RPS29: variants seen among roughly 807,000 people sequenced by gnomAD.
RPS29 encodes small ribosomal subunit protein uS14.
For synonymous variants in RPS29, 37 were observed against 26.9 expected (o/e 1.37, Z -1.16); for missense variants, 60 against 75.7 (o/e 0.79, Z 0.77).
Position 49,583,675 on chromosome 14 carries a change from A to G in RPS29, c.163T>C (p.Leu55=). 1 of 1,523,164 alleles carries G rather than the reference A, an allele frequency of 6.6e-7. No individual in the cohort carries two copies. The highest frequency in any genetic ancestry group is 9.0e-7 in the Non-Finnish European group (1 of 1,106,014). The allele number at this position is 1,523,164 out of a possible 1,614,324, so 94.4% of individuals were successfully genotyped here. A position where few individuals can be genotyped will look rare whatever the true frequency, so the allele number is the denominator to read the frequency against. The change falls in exon 3 of 3, where the codon TTG becomes CTG. Residue 55 remains leucine, a splice_region_variant and synonymous_variant. Coordinates refer to ENST00000245458, the MANE Select transcript of RPS29 (RefSeq NM_001032.5). ...CTCTGAAGGAAGAGCATTTAGTCCA[A>G]CTGAAAAAAAAAAAGCAGATGATTT... ...QYAKDIGFIK[L]D is the part of the protein sequence containing the mutation.
chr14:49,580,901 A>C (rs373037931), downstream of RPS29, among the ~76,000 whole-genome samples: 1 of 148,488 alleles, frequency 6.7e-6, no homozygotes, highest in East Asian at 2.0e-4. Flanking sequence ...AAAAAAAAAA[A>C]AATGCTGGGT....
At chr14:49,596,818 C>T (rs1214900070) in intron 1 of RPS29, among the ~76,000 whole-genome samples, 5 of 150,608 alleles carry the variant, frequency 3.3e-5, no homozygotes, top group African/African-American at 9.8e-5. Context: ...CGCTCTGTCG[C>T]CCAGGCTGGA....
At chr14:49,584,494 G>C (rs1881447713) in intron 2 of RPS29, among the ~76,000 whole-genome samples, 1 of 152,210 alleles carries the variant, frequency 6.6e-6, no homozygotes, top group Non-Finnish European at 1.5e-5. Context: ...ACAGGGCGCC[G>C]TGGATCACGC....
At chr14:49,581,706 C>G (rs1328219420), downstream of RPS29, among the ~76,000 whole-genome samples, 1 of 152,094 alleles carries the variant, frequency 6.6e-6, no homozygotes, top group African/African-American at 2.4e-5. Flanking sequence ...ACTCCTATCT[C>G]CTGTATCGGT....
Position 49,571,647 on chromosome 14 carries a change from A to C in RPS29, c.*6165T>G, listed in dbSNP as rs181257846. On this transcript the variant is annotated 3_prime_UTR_variant, in exon 3 of 3. Coordinates refer to the RPS29 transcript ENST00000396020. ...TGGCCAGTGATTCAATCAATTATAC[A>C]TATATAATGAAACCCCAATAAAAAC... is the stretch of plus-strand genomic sequence containing the variant. 9.2e-5 allele frequency: 14 copies of C among 152,324 alleles called. No individual in the cohort carries two copies. In the East Asian group the frequency reaches 2.3e-3, roughly 25 times the overall value. 9.4% of individuals were successfully genotyped at this position (152,324 alleles called of 1,614,324 possible). A position where few individuals can be genotyped will look rare whatever the true frequency, so the allele number is the denominator to read the frequency against.
At chr14:49,589,744 G>A (rs535648484), upstream of RPS29, among the ~76,000 whole-genome samples, 3 of 152,168 alleles carry the variant, frequency 2.0e-5, no homozygotes, top group East Asian at 1.9e-4. Flanking sequence ...TATGTTCATC[G>A]CAGCACTATT....
chr14:49,579,917 CTA>C (rs1195097311), downstream of RPS29, among the ~76,000 whole-genome samples: 4 of 152,162 alleles, frequency 2.6e-5, no homozygotes, highest in Admixed American at 2.0e-4. Flanking sequence ...TACTTAATCT[CTA>C]AGCCTCAGTT....
At chr14:49,576,247 CTAAT>C (rs1881176734) in exon 3 of RPS29, 1 of 151,012 alleles carries the variant, frequency 6.6e-6, no homozygotes, top group Non-Finnish European at 1.5e-5. Flanking sequence ...CCACGCCTGG[CTAAT>C]TGTTTTTGGG....
chr14:49,585,725 G>A (rs1881520684), intron 2 of RPS29: 1 of 518,420 alleles, frequency 1.9e-6, no homozygotes, highest in Non-Finnish European at 3.4e-6. Context: ...AGGTAAAAAA[G>A]GGAGTAGGAA....
intron 1 of RPS29, among the ~76,000 whole-genome samples, chr14:49,594,294 G>A (rs906960091): frequency 8.6e-5 from 13 of 151,850 alleles, no homozygotes; most frequent in Admixed American, 6.6e-5. Context: ...ATTTTTCAAA[G>A]GTTTTCCAGA....
upstream of RPS29, among the ~76,000 whole-genome samples, chr14:49,587,413 T>A (rs1881613269): frequency 6.6e-6 from 1 of 152,202 alleles, no homozygotes; most frequent in Non-Finnish European, 1.5e-5. Context: ...TGCTCTGAAA[T>A]CAAAGCTTTA....
At position 49,598,576 on chromosome 14, in the gene RPS29, T is replaced by G. The variant is rs990298305; in HGVS notation, c.-309A>C. The G allele has an allele frequency of 7.3e-5, 51 of 702,008 alleles. No homozygotes were observed. In the Admixed American group the frequency reaches 9.4e-4, roughly 13 times the overall value. 43.5% of individuals were successfully genotyped at this position (702,008 alleles called of 1,614,324 possible). A position where few individuals can be genotyped will look rare whatever the true frequency, so the allele number is the denominator to read the frequency against. ...ACGGGGCCACTCAGACAGTTCTAAG[T>G]GCCTTTCCCTGTAACGCAGAGGCAC... On this transcript the variant is annotated 5_prime_UTR_variant, in exon 1 of 4. Coordinates refer to the RPS29 transcript ENST00000556230.
At chr14:49,594,387 T>C (rs1310715621) in intron 1 of RPS29, among the ~76,000 whole-genome samples, 2 of 152,136 alleles carry the variant, frequency 1.3e-5, no homozygotes, top group African/African-American at 2.4e-5. Context: ...AATAAATGTA[T>C]TGAAGCAAGA....
chr14:49,571,292 T>C (rs986367364), exon 3 of RPS29: 2 of 152,168 alleles, frequency 1.3e-5, no homozygotes, highest in Middle Eastern at 3.2e-3. Context: ...CACTCCACCA[T>C]TGGCAAGTTC....
chr14:49,580,436 T>C (rs1881301918), downstream of RPS29, among the ~76,000 whole-genome samples: 1 of 152,186 alleles, frequency 6.6e-6, no homozygotes, highest in African/African-American at 2.4e-5. Flanking sequence ...ACCAACTTTA[T>C]CATCACATAC....
At chr14:49,571,404 A>G (rs901259477) in exon 3 of RPS29, 2 of 152,154 alleles carry the variant, frequency 1.3e-5, no homozygotes, top group African/African-American at 2.4e-5. Flanking sequence ...TCTGGTTCCT[A>G]GGAGGCAGAC....
downstream of RPS29, among the ~76,000 whole-genome samples, chr14:49,582,676 G>A (rs142071871): frequency 4.6e-4 from 70 of 152,274 alleles, no homozygotes; most frequent in South Asian, 4.3e-3. Flanking sequence ...CTTGGATTGC[G>A]TAGGGGCTCT....
At chr14:49,577,329 GTTTTTGTTT>G (rs1322902040) in exon 3 of RPS29, 1 of 161,154 alleles carries the variant, frequency 6.2e-6, no homozygotes, top group South Asian at 1.8e-4. Flanking sequence ...GGTTTTTGTT[GTTTTTGTTT>G]TTACAGTTTT....
downstream of RPS29, among the ~76,000 whole-genome samples, chr14:49,580,681 GGCC>G (rs1881308786): frequency 6.6e-6 from 1 of 151,786 alleles, no homozygotes; most frequent in African/African-American, 2.4e-5. Flanking sequence ...AAAGCAGCCT[GGCC>G]AACATGGTGA....
Sources: gnomAD v4.1 joint callset for allele counts (sites outside exome capture counted in the v4.1 genomes callset) on GRCh38, gnomAD v4.1.1 for gene constraint, MANE v1.5 for transcripts, NCBI Gene and HGNC (gene_info 2026-07-23, HGNC 2026-07-21) for gene names.